Variants in ST13 observed in about 807,000 individuals in gnomAD.
The protein encoded by ST13 is hsc70-interacting protein.
ST13 carries 23 observed loss-of-function variants against 56.7 expected under a neutral mutation model. The observed-to-expected ratio is 0.41, with a 90% CI of 0.29 to 0.57. ST13 has a LOEUF of 0.57. Among genes scored for constraint, ST13 ranks in the 20% least tolerant of loss-of-function variants. The probability of loss-of-function intolerance (pLI) is 0.36; values close to 1 mark genes in which losing one functional copy is unlikely to be tolerated. For missense variants in ST13, 369 were observed against 459.9 expected (o/e 0.80, Z 1.81); for synonymous variants, 132 against 142.4 (o/e 0.93, Z 0.52).
intron 5 of ST13, chr22:40,836,095 A>T (rs2057775968): frequency 2.0e-6 from 1 of 498,626 alleles, no homozygotes; most frequent in Non-Finnish European, 3.6e-6. Context: ...ATTTCTGAGT[A>T]CGTAAGCCCC....
chr22:40,841,873 A>G (rs1013556893), intron 4 of ST13, among the ~76,000 whole-genome samples: 2 of 152,146 alleles, frequency 1.3e-5, no homozygotes, highest in African/African-American at 4.8e-5. Context: ...GATTAGAAGC[A>G]TAAGCCGCCA....
At position 40,826,966 on chromosome 22, in the gene ST13, T is replaced by C. The variant is rs2057731411; in HGVS notation, c.981+130A>G. 3.6e-6 allele frequency: 4 copies of C among 1,098,754 alleles called. No individual in the cohort carries two copies. In the East Asian group the frequency reaches 9.6e-5, roughly 26 times the overall value. 68.1% of individuals were successfully genotyped at this position (1,098,754 alleles called of 1,614,324 possible). On this transcript the variant is annotated intron_variant, in intron 11 of 11. Transcript: ENST00000216218. ...TGCATAAAGAAAATAAATGTCACTC[T>C]TGCATAATTAGCTATTTGGTAACTG... is the stretch of plus-strand genomic sequence containing the variant.
At chr22:40,850,634 A>G (rs1302051515) in intron 2 of ST13, among the ~76,000 whole-genome samples, 189 bp downstream of exon 2, 1 of 152,212 alleles carries the variant, frequency 6.6e-6, no homozygotes, top group East Asian at 1.9e-4. Flanking sequence ...CTAAATTCTC[A>G]GTTCTAAATC....
At position 40,850,879 on chromosome 22, in the gene ST13, T is replaced by C. The variant is rs367834880; in HGVS notation, c.112A>G (p.Met38Val). The change falls in exon 2 of 12, where the codon ATG becomes GTG. Residue 38 changes from methionine to valine, a missense_variant and splice_region_variant. By Grantham distance (21) the Met-to-Val change is conservative (BLOSUM62 1). Transcript: ENST00000216218. ...MRFLREWVES[M>V]GGKVPPATQK... Reference sequence around the variant, plus strand: ...GTAGCAGGTGGTACTTTACCACCCATGCTTGAAGAAGATGAGAAAAAAGAT... The same window carrying C: ...GTAGCAGGTGGTACTTTACCACCCACGCTTGAAGAAGATGAGAAAAAAGAT... 1 of 1,592,222 alleles carries C rather than the reference T, an allele frequency of 6.3e-7. No homozygotes were observed.
At chr22:40,827,805 AC>A (rs1364905866) in intron 10 of ST13, among the ~76,000 whole-genome samples, 11 of 152,170 alleles carry the variant, frequency 7.2e-5, no homozygotes, top group African/African-American at 2.2e-4. Context: ...ATGCTCAGCA[AC>A]TTTTTTCTAG....
At chr22:40,842,732 TAAAA>T (rs1018222774) in intron 4 of ST13, among the ~76,000 whole-genome samples, 3 of 152,090 alleles carry the variant, frequency 2.0e-5, no homozygotes, top group Admixed American at 2.0e-4. Context: ...GCAGGATAAA[TAAAA>T]AATTATAAAC....
At chr22:40,830,779 C>T in intron 9 of ST13, 61 bp downstream of exon 9, 1 of 1,050,828 alleles carries the variant, frequency 9.5e-7, no homozygotes, top group Non-Finnish European at 1.4e-6. Flanking sequence ...ATTTTAGTGT[C>T]CTAATGCCTC....
At chr22:40,834,564 ATGT>A (rs1271618610) in intron 7 of ST13, among the ~76,000 whole-genome samples, 1 of 152,162 alleles carries the variant, frequency 6.6e-6, no homozygotes, top group East Asian at 1.9e-4. Flanking sequence ...GATTTTTAAA[ATGT>A]TTTTTTCTAG....
At chr22:40,830,801 C>A (rs746479600) in intron 9 of ST13, 39 bp downstream of exon 9, 3 of 1,361,284 alleles carry the variant, frequency 2.2e-6, no homozygotes, top group East Asian at 4.6e-5. Flanking sequence ...ACATAATTTG[C>A]CGTATTTTCC....
rs1307581939 is a variant in ST13, at chr22:40,825,074, G to A, written c.*1464C>T. Reference sequence around the variant, plus strand: ...TTTAAATTGAAACACTGGTAGAAACGTAGCAATGTCAGGTACAATGCCTAT... The same window carrying A: ...TTTAAATTGAAACACTGGTAGAAACATAGCAATGTCAGGTACAATGCCTAT... On this transcript the variant is annotated 3_prime_UTR_variant, in exon 12 of 12. Coordinates refer to ENST00000216218, the MANE Select transcript of ST13 (RefSeq NM_003932.5). 1 of 152,106 alleles carries A rather than the reference G, an allele frequency of 6.6e-6. No homozygotes were observed. The highest frequency in any genetic ancestry group is 1.5e-5 in the Non-Finnish European group (1 of 68,030). The allele number at this position is 152,106 out of a possible 1,614,324, so 9.4% of individuals were successfully genotyped here. A position where few individuals can be genotyped will look rare whatever the true frequency, so the allele number is the denominator to read the frequency against.
intron 1 of ST13, among the ~76,000 whole-genome samples, chr22:40,856,200 C>A (rs570743588): frequency 2.6e-5 from 4 of 152,338 alleles, no homozygotes; most frequent in South Asian, 2.1e-4. Context: ...CCAAGATACA[C>A]CCCTGGGCAA....
chr22:40,833,529 C>A (rs1000347997), intron 7 of ST13, among the ~76,000 whole-genome samples: 1 of 140,702 alleles, frequency 7.1e-6, no homozygotes, highest in African/African-American at 2.7e-5. Flanking sequence ...CGCGCCACTG[C>A]ACTCTAGCCT....
chr22:40,848,497 A>T, intron 2 of ST13, 128 bp from the exon 3 acceptor site: 1 of 692,332 alleles, frequency 1.4e-6, no homozygotes, highest in South Asian at 1.6e-5. Context: ...CTGGAATTCC[A>T]GCACTTTGGG....
chr22:40,832,070 G>A lies in ST13; in HGVS notation c.681+499C>T, dbSNP rs576290795. On this transcript the variant is annotated intron_variant, in intron 8 of 11. Transcript: ENST00000216218. Reference sequence around the variant, plus strand: ...AGGGTTTCACTACGTTGGCCAGGCTGGTCTTGAACTCCTGACCTCATGATC... The same window carrying A: ...AGGGTTTCACTACGTTGGCCAGGCTAGTCTTGAACTCCTGACCTCATGATC... 5.1e-5 allele frequency: 20 copies of A among 394,898 alleles called. 1 individual carries two copies. The highest frequency in any genetic ancestry group is 1.1e-4 in the South Asian group (6 of 53,424). The allele number at this position is 394,898 out of a possible 1,614,324, so 24.5% of individuals were successfully genotyped here.
At chr22:40,842,376 C>T (rs1303830233) in intron 4 of ST13, among the ~76,000 whole-genome samples, 2 of 152,010 alleles carry the variant, frequency 1.3e-5, no homozygotes, top group Admixed American at 6.6e-5. Flanking sequence ...GTAAGACCAG[C>T]GAAGAGTTCA....
chr22:40,826,900 G>GCTA (rs3044599), intron 11 of ST13, among the ~76,000 whole-genome samples, 196 bp downstream of exon 11: 18,869 of 152,084 alleles, frequency 0.12, 2,112 homozygotes, highest in African/African-American at 0.3. Flanking sequence ...ATTGCCGATT[G>GCTA]CTAAGTATTT....
intron 10 of ST13, among the ~76,000 whole-genome samples, chr22:40,828,211 G>A (rs1349129355): frequency 6.6e-6 from 1 of 152,062 alleles, no homozygotes; most frequent in African/African-American, 2.4e-5. Flanking sequence ...TATTCTCTCA[G>A]TATAATTTGT....
At position 40,840,187 on chromosome 22, in the gene ST13, C is replaced by T. The variant is rs191198334; in HGVS notation, c.382+439G>A. Reference sequence around the variant, plus strand: ...CAAACAAACAAACAAAAAACAAAACCGAATACTATCACCACTTTCTCACTC... The same window carrying T: ...CAAACAAACAAACAAAAAACAAAACTGAATACTATCACCACTTTCTCACTC... On this transcript the variant is annotated intron_variant, in intron 5 of 11. Transcript: ENST00000216218. 1.1e-4 allele frequency among the ~76,000 whole-genome samples: 17 copies of T among 152,064 alleles called. No homozygotes were observed. The South Asian group carries it at 2.3e-3, about 20-fold the overall frequency.
intron 1 of ST13, 125 bp downstream of exon 1, chr22:40,856,306 C>T (rs897447468): frequency 2.4e-6 from 2 of 818,706 alleles, no homozygotes. Context: ...GAAGTTGCCT[C>T]CCTTTCCCGG....
Sources: gnomAD v4.1 joint callset for allele counts (sites outside exome capture counted in the v4.1 genomes callset) on GRCh38, gnomAD v4.1.1 for gene constraint, MANE v1.5 for transcripts, NCBI Gene and HGNC (gene_info 2026-07-23, HGNC 2026-07-21) for gene names.